Variants in POC1A observed in about 807,000 individuals in gnomAD.
POC1A encodes the protein POC1 centriolar protein homolog A.
In POC1A, 34 loss-of-function variants were observed where a neutral mutation model predicts 47.8. That is an observed-to-expected ratio of 0.71 (90% CI 0.54 to 0.95). The LOEUF (loss-of-function observed/expected upper bound fraction) is 0.95, where lower values mean the gene tolerates loss of function less well. Among genes scored for constraint, POC1A ranks in the 40% least tolerant of loss-of-function variants. The pLI is 0.00. For synonymous variants in POC1A, 177 were observed against 207.6 expected (o/e 0.85, Z 1.27); for missense variants, 466 against 528.3 (o/e 0.88, Z 1.16).
chr3:52,125,208 A>C, intron 7 of POC1A, 27 bp from the exon 8 acceptor site: 1 of 1,561,222 alleles, frequency 6.4e-7, no homozygotes, highest in Non-Finnish European at 8.8e-7. Context: ...AAAATAACAC[A>C]CATCAAAGGT....
At chr3:52,151,768 A>C (rs1254407968) in intron 1 of POC1A, among the ~76,000 whole-genome samples, 1 of 152,184 alleles carries the variant, frequency 6.6e-6, no homozygotes, top group African/African-American at 2.4e-5. Context: ...TTAAGATACA[A>C]TACTACGATA....
intron 9 of POC1A, among the ~76,000 whole-genome samples, chr3:52,113,897 A>G (rs1703467313): frequency 6.6e-6 from 1 of 152,242 alleles, no homozygotes; most frequent in African/African-American, 2.4e-5. Context: ...TCTTATCTGG[A>G]GGCCTCTGCC....
At chr3:52,083,417 C>T (rs1702363623) in intron 10 of POC1A, among the ~76,000 whole-genome samples, 2 of 152,126 alleles carry the variant, frequency 1.3e-5, no homozygotes, top group African/African-American at 2.4e-5. Context: ...CACTTTCTCC[C>T]CTCAGGTCTA....
chr3:52,126,544 C>T (rs1704009894), intron 7 of POC1A, among the ~76,000 whole-genome samples: 1 of 152,240 alleles, frequency 6.6e-6, no homozygotes, highest in Admixed American at 6.5e-5. Context: ...TGCATTTACC[C>T]ACTGAATCCT....
chr3:52,152,157 C>A (rs1299070731), intron 1 of POC1A, among the ~76,000 whole-genome samples: 2 of 152,146 alleles, frequency 1.3e-5, no homozygotes, highest in African/African-American at 2.4e-5. Flanking sequence ...TGCCTGTATT[C>A]TCAGCTACTC....
intron 9 of POC1A, among the ~76,000 whole-genome samples, chr3:52,120,334 T>G (rs1033415582): frequency 2.0e-5 from 3 of 152,158 alleles, no homozygotes; most frequent in African/African-American, 7.2e-5. Flanking sequence ...GTCCTCAGAT[T>G]AGAGAAGTCC....
At position 52,147,087 on chromosome 3, in the gene POC1A, G is replaced by T; in HGVS notation, c.464C>A (p.Pro155His). The T allele has an allele frequency of 1.2e-6, 2 of 1,613,800 alleles. No homozygotes were observed. The highest frequency in any genetic ancestry group is 1.7e-6 in the Non-Finnish European group (2 of 1,179,780). ...INWVRCAKFS[P>H]DGRLIVSASD... ...GGCAGACACGATGAGCCGCCCGTCG[G>T]GGGAGAACCTGAACCGGGTGGGGCA... The change falls in exon 5 of 11, where the codon CCC becomes CAC. Residue 155 changes from proline to histidine, a missense_variant. By Grantham distance (77) the Pro-to-His change is moderately conservative. Transcript: ENST00000296484.
intron 9 of POC1A, among the ~76,000 whole-genome samples, chr3:52,108,784 T>C (rs1186305599): frequency 6.6e-6 from 1 of 151,946 alleles, no homozygotes; most frequent in African/African-American, 2.4e-5. Context: ...TCCCATGGGG[T>C]CAAACAGCCT....
chr3:52,114,331 G>A (rs1703484220), intron 9 of POC1A, among the ~76,000 whole-genome samples: 1 of 152,212 alleles, frequency 6.6e-6, no homozygotes, highest in African/African-American at 2.4e-5. Flanking sequence ...GTAAACCGGA[G>A]ACGCCCCACA....
At chr3:52,103,385 G>C (rs1276747402) in intron 9 of POC1A, among the ~76,000 whole-genome samples, 6 of 152,208 alleles carry the variant, frequency 3.9e-5, no homozygotes, top group African/African-American at 1.4e-4. Context: ...AATTAGCCAG[G>C]TGTGGTGGCG....
intron 9 of POC1A, among the ~76,000 whole-genome samples, chr3:52,105,590 C>A (rs1703149614): frequency 6.6e-6 from 1 of 152,214 alleles, no homozygotes; most frequent in Non-Finnish European, 1.5e-5. Flanking sequence ...GAAGCCTATA[C>A]CGAATTCACC....
chr3:52,142,384 A>G (rs1159560274), intron 6 of POC1A, among the ~76,000 whole-genome samples: 1 of 152,230 alleles, frequency 6.6e-6, no homozygotes, highest in Non-Finnish European at 1.5e-5. Context: ...CTGCAGTGAT[A>G]GGCCAGAGCC....
chr3:52,089,165 T>C (rs990591084), intron 10 of POC1A, among the ~76,000 whole-genome samples: 6 of 151,804 alleles, frequency 4.0e-5, no homozygotes, highest in Admixed American at 6.6e-5. Flanking sequence ...AGGCTGCATG[T>C]CACGAAGGAG....
chr3:52,096,261 G>A (rs1702809111), intron 10 of POC1A, among the ~76,000 whole-genome samples: 1 of 152,234 alleles, frequency 6.6e-6, no homozygotes, highest in African/African-American at 2.4e-5. Flanking sequence ...AGCAAAGAGT[G>A]GGAGGAATAA....
chr3:52,119,168 A>C (rs972884310), intron 9 of POC1A, among the ~76,000 whole-genome samples: 2 of 151,968 alleles, frequency 1.3e-5, no homozygotes, highest in Non-Finnish European at 2.9e-5. Context: ...CCTCACACTC[A>C]AGGCTGCTGG....
At chr3:52,148,761 C>T (rs576160665) in intron 4 of POC1A, among the ~76,000 whole-genome samples, 1 of 152,374 alleles carries the variant, frequency 6.6e-6, no homozygotes, top group South Asian at 2.1e-4. Flanking sequence ...AGCTCTGCCA[C>T]AGACCCACCG....
intron 9 of POC1A, among the ~76,000 whole-genome samples, chr3:52,112,144 G>A (rs1171659007): frequency 6.6e-6 from 1 of 152,128 alleles, no homozygotes; most frequent in African/African-American, 2.4e-5. Flanking sequence ...GGCAGCACTG[G>A]ACTTTCTTTC....
intron 10 of POC1A, among the ~76,000 whole-genome samples, chr3:52,087,982 G>A (rs1172982266): frequency 3.3e-5 from 5 of 152,198 alleles, no homozygotes; most frequent in Admixed American, 6.5e-5. Context: ...TCCAAACAGG[G>A]CTGAGCATGG....
chr3:52,149,268 G>A lies in POC1A; in HGVS notation c.397C>T (p.His133Tyr), dbSNP rs1397713387. ...AGGGAGAACAGGAATTTCTGGCGAT[G>A]AGTTGCCCACACTTTGACTGTCTTG... ...DDKTVKVWAT[H>Y]RQKFLFSLSQ... is the part of the protein sequence containing the mutation. The change falls in exon 4 of 11, where the codon CAT becomes TAT. Residue 133 changes from histidine (H) to tyrosine (Y), a missense_variant. Transcript: ENST00000296484. 3 of 1,614,184 alleles carry A rather than the reference G, an allele frequency of 1.9e-6. No individual in the cohort carries two copies. Among genetic ancestry groups the A allele is most frequent in the South Asian group, 1.1e-5 (1 of 91,084 alleles).
Sources: allele counts gnomAD v4.1 joint callset (sites outside exome capture counted in the v4.1 genomes callset), GRCh38; gene constraint gnomAD v4.1.1; transcripts MANE v1.5; gene names NCBI Gene and HGNC (gene_info 2026-07-23, HGNC 2026-07-21).